The following MTR variants were observed in gnomAD, a reference collection of about 807,000 sequenced individuals.
MTR encodes methionine synthase.
Under a neutral mutation model 154.8 loss-of-function variants are expected in MTR, and 84 were observed. The observed-to-expected ratio is 0.54, with a 90% CI of 0.45 to 0.65. The LOEUF is 0.65. MTR is among the 30% of genes least tolerant of loss of function. The pLI is 0.00. For synonymous variants in MTR, 554 were observed against 553.9 expected (o/e 1.00, Z 0.00); for missense variants, 1,275 against 1,570.2 (o/e 0.81, Z 3.18).
At chr1:236,857,649 A>G (rs1664281858) in intron 18 of MTR, among the ~76,000 whole-genome samples, 1 of 152,222 alleles carries the variant, frequency 6.6e-6, no homozygotes, top group African/African-American at 2.4e-5. Context: ...AACTTAGAGG[A>G]TCTAACTAGT....
chr1:236,886,528 G>A (rs1666019715), intron 27 of MTR, among the ~76,000 whole-genome samples, 161 bp downstream of exon 27: 1 of 152,230 alleles, frequency 6.6e-6, no homozygotes, highest in Admixed American at 6.5e-5. Context: ...AAAGGGAATA[G>A]GTACCATTTA....
intron 15 of MTR, among the ~76,000 whole-genome samples, chr1:236,849,073 G>A (rs1451776187): frequency 6.6e-6 from 1 of 152,196 alleles, no homozygotes; most frequent in Non-Finnish European, 1.5e-5. Context: ...GTGATAGCAA[G>A]TAATCATTTT....
intron 1 of MTR, among the ~76,000 whole-genome samples, chr1:236,800,719 A>G (rs1043604492): frequency 6.6e-6 from 1 of 152,226 alleles, no homozygotes; most frequent in Non-Finnish European, 1.5e-5. Flanking sequence ...TTGCTGTGCT[A>G]TAATACCAAC....
At chr1:236,800,196 G>A (rs1334529117) in intron 1 of MTR, 2 of 985,290 alleles carry the variant, frequency 2.0e-6, no homozygotes, top group Admixed American at 1.2e-4. Context: ...TAGGAAGAAG[G>A]ACATGTAAAT....
intron 24 of MTR, among the ~76,000 whole-genome samples, chr1:236,879,892 G>A (rs1234893745): frequency 6.6e-6 from 1 of 152,046 alleles, no homozygotes; most frequent in Admixed American, 6.5e-5. Context: ...AGTGGCTCAT[G>A]CCTGTAATCC....
chr1:236,868,747 A>G (rs1664956729), intron 22 of MTR, among the ~76,000 whole-genome samples: 2 of 152,228 alleles, frequency 1.3e-5, no homozygotes, highest in Non-Finnish European at 2.9e-5. Context: ...ATAACTGTCT[A>G]GTATACGTAA....
chr1:236,875,538 A>G (rs1015556578), intron 24 of MTR, among the ~76,000 whole-genome samples: 1 of 152,206 alleles, frequency 6.6e-6, no homozygotes. Context: ...TGCCATGTAC[A>G]GTTCACTTTC....
chr1:236,838,690 A>C (rs1663049352), intron 15 of MTR, 91 bp downstream of exon 15: 3 of 1,259,240 alleles, frequency 2.4e-6, no homozygotes, highest in Non-Finnish European at 3.4e-6. Context: ...ACATATATAC[A>C]TACACATATA....
At chr1:236,844,449 A>G (rs1285969137) in intron 15 of MTR, among the ~76,000 whole-genome samples, 1 of 137,594 alleles carries the variant, frequency 7.3e-6, no homozygotes, top group African/African-American at 2.8e-5. Context: ...AGGTTCAGAA[A>G]GGGCGTGTGT....
At chr1:236,832,459 G>T (rs779872507) in intron 13 of MTR, among the ~76,000 whole-genome samples, 1 of 152,138 alleles carries the variant, frequency 6.6e-6, no homozygotes, top group Admixed American at 6.5e-5. Context: ...CCTTATGATC[G>T]CATCAAACGC....
chr1:236,849,781 AGACACAT>A (rs1438230293), intron 15 of MTR, among the ~76,000 whole-genome samples: 1 of 152,186 alleles, frequency 6.6e-6, no homozygotes, highest in Non-Finnish European at 1.5e-5. Context: ...TTATGACTTA[AGACACAT>A]GTTAGGCCAG....
chr1:236,856,709 A>G (rs1382095506), intron 18 of MTR, among the ~76,000 whole-genome samples: 1 of 151,796 alleles, frequency 6.6e-6, no homozygotes, highest in African/African-American at 2.4e-5. Flanking sequence ...AGGCCCTGGT[A>G]TGTGATGTTC....
intron 24 of MTR, among the ~76,000 whole-genome samples, chr1:236,877,093 A>T (rs1163848771): frequency 5.0e-4 from 76 of 152,174 alleles, no homozygotes; most frequent in Admixed American, 5.0e-3. Flanking sequence ...TCCCTTCTAC[A>T]CTGTGGTGCT....
chr1:236,826,791 A>G lies in MTR; in HGVS notation c.928-38A>G, dbSNP rs775928861. 13 of 1,575,706 alleles carry G rather than the reference A, an allele frequency of 8.3e-6. No individual in the cohort carries two copies. In the African/African-American group the frequency reaches 9.4e-5, roughly 11 times the overall value. On this transcript the variant is annotated intron_variant, in intron 10 of 32. Transcript: ENST00000366577. The stretch of plus-strand genomic sequence containing the variant: ...TTGGTGGTAATGAGTTTAGAATTCA[A>G]GTGAACTTGCTGAAACTTTGTCTCT...
intron 13 of MTR, among the ~76,000 whole-genome samples, chr1:236,834,792 T>C (rs1662810041): frequency 6.6e-6 from 1 of 152,204 alleles, no homozygotes; most frequent in South Asian, 2.1e-4. Context: ...TTGTTCAGAA[T>C]GAGAAGTATA....
In MTR at chr1:236,803,617, C is replaced by T. The variant is rs1409105939; in HGVS notation, c.224C>T (p.Pro75Leu). 3.1e-6 allele frequency: 5 copies of T among 1,614,126 alleles called. No homozygotes were observed. The highest frequency in any genetic ancestry group is 3.4e-6 in the Non-Finnish European group (4 of 1,179,978). ...AATGACATTTTAAGTATAACTCAGC[C>T]TGATGTCATTTACCAAATCCATAAG... is the stretch of plus-strand genomic sequence containing the variant. ...GNNDILSITQ[P>L]DVIYQIHKEY... The change falls in exon 2 of 33, where the codon CCT (proline) becomes CTT (leucine). Residue 75 changes from proline (P) to leucine (L), a missense_variant. Physicochemically the swap from Pro to Leu is moderately conservative, Grantham distance 98. Coordinates refer to ENST00000366577, the MANE Select transcript of MTR (RefSeq NM_000254.3).
chr1:236,797,403 TC>T (rs1291275467), intron 1 of MTR, among the ~76,000 whole-genome samples: 2 of 152,106 alleles, frequency 1.3e-5, no homozygotes, highest in Non-Finnish European at 2.9e-5. Flanking sequence ...AGCAAATACA[TC>T]TTGGGAGAAA....
intron 16 of MTR, among the ~76,000 whole-genome samples, chr1:236,850,745 C>T (rs80243329): frequency 2.0e-5 from 3 of 152,198 alleles, no homozygotes; most frequent in African/African-American, 4.8e-5. Context: ...CTGATGAACT[C>T]GCTTGAACCC....
chr1:236,847,799 G>A (rs1287053448), intron 15 of MTR, among the ~76,000 whole-genome samples: 2 of 152,196 alleles, frequency 1.3e-5, no homozygotes, highest in Non-Finnish European at 2.9e-5. Context: ...GTATTGTAAT[G>A]TGCAACCAGA....
Sources: allele counts gnomAD v4.1 joint callset (sites outside exome capture counted in the v4.1 genomes callset), GRCh38; gene constraint gnomAD v4.1.1; transcripts MANE v1.5; gene names NCBI Gene and HGNC (gene_info 2026-07-23, HGNC 2026-07-21).